Variants in NUB1 observed in about 807,000 individuals in gnomAD.
The protein encoded by NUB1 is NEDD8 ultimate buster 1.
A neutral mutation model predicts 77.1 loss-of-function variants in NUB1; 41 were observed. The ratio of observed to expected loss-of-function variants is 0.53; its 90% CI spans 0.41 to 0.69. The LOEUF (loss-of-function observed/expected upper bound fraction) is 0.69. NUB1 is among the 30% of genes least tolerant of loss of function. NUB1 has a pLI of 0.00. For synonymous variants in NUB1, 257 were observed against 281.0 expected, an observed-to-expected ratio of 0.91 and a Z score of 0.85; for missense variants, 643 against 743.8, an observed-to-expected ratio of 0.86 and a Z score of 1.58.
Position 151,367,943 on chromosome 7 carries a change from T to C in NUB1, c.1070T>C (p.Val357Ala), listed in dbSNP as rs1248769814. 1.9e-6 allele frequency: 3 copies of C among 1,588,128 alleles called. No individual in the cohort carries two copies. The highest frequency in any genetic ancestry group is 2.6e-6 in the Non-Finnish European group (3 of 1,164,878). ...GIRNYHSGND[V>A]EAYEYLNKAR... ...CGAAACTATCACAGTGGAAATGATG[T>C]AGAGGCTTATGAGTATCTTAACAAG... The change falls in exon 10 of 15, where the codon GTA becomes GCA. Residue 357 changes from valine to alanine, a missense_variant. By Grantham distance (64) the Val-to-Ala change is moderately conservative. Coordinates refer to ENST00000568733, the MANE Select transcript of NUB1 (RefSeq NM_001243351.2).
chr7:151,354,642 C>T (rs1019933619), intron 5 of NUB1, among the ~76,000 whole-genome samples: 3 of 152,104 alleles, frequency 2.0e-5, no homozygotes, highest in Non-Finnish European at 2.9e-5. Flanking sequence ...CTGATTTCTG[C>T]CCTTTATTTC....
chr7:151,374,081 T>C lies in NUB1; in HGVS notation c.1249-16T>C, dbSNP rs1358475115. On this transcript the variant is annotated splice_polypyrimidine_tract_variant and intron_variant, in intron 11 of 14. Coordinates refer to ENST00000568733, the MANE Select transcript of NUB1 (RefSeq NM_001243351.2). ...CAGTCCCTAACTTGGGATGGGACTT[T>C]GCTGTTTTCCTAAAGGAACTGGCCC... 6.5e-7 allele frequency: 1 copy of C among 1,548,128 alleles called. No homozygotes were observed. Among genetic ancestry groups the C allele is most frequent in the Non-Finnish European group, 8.7e-7 (1 of 1,145,094 alleles).
At chr7:151,356,072 C>T in intron 6 of NUB1, 56 bp from the exon 7 acceptor site, 1 of 1,553,218 alleles carries the variant, frequency 6.4e-7, no homozygotes, top group South Asian at 1.1e-5. Context: ...TTAAGGCTGT[C>T]ATCATCATAA....
chr7:151,351,053 T>C, intron 3 of NUB1: 1 of 256,518 alleles, frequency 3.9e-6, no homozygotes, highest in South Asian at 4.2e-5. Flanking sequence ...GGCAAATCTG[T>C]AGCAGCAGAA....
chr7:151,348,569 C>CT (rs59781719), intron 2 of NUB1, among the ~76,000 whole-genome samples: 723 of 69,866 alleles, frequency 0.01, 71 homozygotes, highest in African/African-American at 0.02. Flanking sequence ...TTGCTTTTTG[C>CT]TTTTTTTTTT....
intron 1 of NUB1, 42 bp downstream of exon 1, chr7:151,341,888 C>A: frequency 6.8e-7 from 1 of 1,466,248 alleles, no homozygotes; most frequent in Non-Finnish European, 8.9e-7. Flanking sequence ...CCAGCCTCAG[C>A]AGCACTGCTT....
At chr7:151,351,316 A>C in intron 3 of NUB1, 108 bp from the exon 4 acceptor site, 1 of 835,328 alleles carries the variant, frequency 1.2e-6, no homozygotes. Context: ...AGTTTTTAAC[A>C]GTGAACTCAG....
At chr7:151,350,434 C>T (rs545487922) in intron 3 of NUB1, among the ~76,000 whole-genome samples, 8 of 152,364 alleles carry the variant, frequency 5.3e-5, no homozygotes, top group Middle Eastern at 3.4e-3. Flanking sequence ...AGGGCCTTTC[C>T]GGGCACTGGA....
At chr7:151,344,511 A>G (rs1225551418) in intron 1 of NUB1, among the ~76,000 whole-genome samples, 1 of 150,718 alleles carries the variant, frequency 6.6e-6, no homozygotes, top group Non-Finnish European at 1.5e-5. Context: ...TAGTAGAGAT[A>G]GGGCTTCACC....
intron 13 of NUB1, 121 bp from the exon 14 acceptor site, chr7:151,376,513 G>A: frequency 1.1e-6 from 1 of 925,268 alleles, no homozygotes; most frequent in South Asian, 1.8e-5. Flanking sequence ...GTGCACAAAG[G>A]GCCATGGTGC....
chr7:151,355,797 C>T lies in NUB1; in HGVS notation c.445C>T (p.His149Tyr), dbSNP rs747818989. The change falls in exon 6 of 15, where the codon CAC becomes TAC. Residue 149 changes from histidine to tyrosine, a missense_variant. By Grantham distance (83) the His-to-Tyr change is moderately conservative. Coordinates refer to ENST00000568733, the MANE Select transcript of NUB1 (RefSeq NM_001243351.2). ...GKTLEEQGVA[H>Y]NVKAMVLELK... is the part of the protein sequence containing the mutation. ...AACCCTTGAAGAACAAGGCGTGGCT[C>T]ACAATGTGAAAGCGATGGTGCTTGA... 6.2e-7 allele frequency: 1 copy of T among 1,605,072 alleles called. No homozygotes were observed. The highest frequency in any genetic ancestry group is 8.5e-7 in the Non-Finnish European group (1 of 1,175,590).
intron 7 of NUB1, among the ~76,000 whole-genome samples, chr7:151,357,183 ATT>A (rs59119243): frequency 2.2e-3 from 290 of 134,324 alleles, no homozygotes; most frequent in East Asian, 5.1e-3. Context: ...TGTCCAGCTA[ATT>A]TTTTTTTTTT....
Position 151,345,442 on chromosome 7 carries a change from T to TA in NUB1, c.99dup (p.Val34SerfsTer10). Reference sequence around the variant, plus strand: ...GGAAACCTCCATATACAGATGAAAATAAAAAAGTTGGTTTGGCATTAAAGG... The same window carrying TA: ...GGAAACCTCCATATACAGATGAAAATAAAAAAAGTTGGTTTGGCATTAAAGG... On this transcript the variant is annotated frameshift_variant, in exon 2 of 15. Coordinates refer to ENST00000568733, the MANE Select transcript of NUB1 (RefSeq NM_001243351.2). LOFTEE classifies it high-confidence loss of function. The TA allele has an allele frequency of 1.9e-6, 3 of 1,601,056 alleles. No homozygotes were observed. Among genetic ancestry groups the TA allele is most frequent in the African/African-American group, 1.3e-5 (1 of 74,428 alleles).
chr7:151,356,080 T>C, intron 6 of NUB1, 48 bp from the exon 7 acceptor site: 1 of 1,564,504 alleles, frequency 6.4e-7, no homozygotes, highest in Non-Finnish European at 8.8e-7. Flanking sequence ...GTCATCATCA[T>C]AACTGTTTAA....
chr7:151,370,700 C>T (rs1035881066), intron 11 of NUB1, among the ~76,000 whole-genome samples: 3 of 134,334 alleles, frequency 2.2e-5, no homozygotes, highest in African/African-American at 2.8e-5. Flanking sequence ...CCCCTCCCCC[C>T]ACCCCACAAC....
intron 7 of NUB1, among the ~76,000 whole-genome samples, chr7:151,358,857 G>A (rs1195868177): frequency 2.0e-5 from 3 of 151,636 alleles, no homozygotes; most frequent in Non-Finnish European, 4.4e-5. Flanking sequence ...AAGATCAGGA[G>A]ATCGAGACCA....
chr7:151,367,155 G>C, intron 9 of NUB1, 30 bp downstream of exon 9: 1 of 1,555,552 alleles, frequency 6.4e-7, no homozygotes, highest in African/African-American at 1.4e-5. Context: ...CTTATGTCTC[G>C]TTGAGTCCAT....
intron 8 of NUB1, among the ~76,000 whole-genome samples, chr7:151,362,854 C>G (rs1381676050): frequency 6.6e-6 from 1 of 152,230 alleles, no homozygotes; most frequent in Non-Finnish European, 1.5e-5. Flanking sequence ...GAATAATCCT[C>G]CGAGTTCATA....
chr7:151,343,802 G>A (rs1266537143), intron 1 of NUB1, among the ~76,000 whole-genome samples: 1 of 152,104 alleles, frequency 6.6e-6, no homozygotes, highest in Non-Finnish European at 1.5e-5. Flanking sequence ...TTAAGATGCT[G>A]CCTAATTTTG....
Sources: gnomAD v4.1 joint callset for allele counts (sites outside exome capture counted in the v4.1 genomes callset) on GRCh38, gnomAD v4.1.1 for gene constraint, MANE v1.5 for transcripts, NCBI Gene and HGNC (gene_info 2026-07-23, HGNC 2026-07-21) for gene names.